ZFPM2: variants seen among roughly 807,000 people sequenced by gnomAD.
ZFPM2 encodes the protein zinc finger protein, FOG family member 2.
A neutral mutation model predicts 98.6 loss-of-function variants in ZFPM2; 20 were observed. That is an observed-to-expected ratio of 0.20 (90% CI 0.14 to 0.29). ZFPM2 has a LOEUF of 0.29. ZFPM2 is among the 10% of genes least tolerant of loss of function. The pLI, the probability that ZFPM2 is intolerant of heterozygous loss-of-function variation, is 1.00. For missense variants in ZFPM2, 1,310 were observed against 1,388.6 expected, an observed-to-expected ratio of 0.94 and a Z score of 0.90; for synonymous variants, 518 against 502.7, an observed-to-expected ratio of 1.03 and a Z score of -0.41.
intron 3 of ZFPM2, among the ~76,000 whole-genome samples, chr8:105,555,968 G>A (rs185525646): frequency 1.3e-5 from 2 of 152,312 alleles, no homozygotes; most frequent in African/African-American, 4.8e-5. Context: ...TGGGAGAGCA[G>A]TAGAACGCAA....
At chr8:105,342,846 T>G (rs1433614956) in intron 1 of ZFPM2, among the ~76,000 whole-genome samples, 1 of 152,036 alleles carries the variant, frequency 6.6e-6, no homozygotes, top group African/African-American at 2.4e-5. Flanking sequence ...TATGACATAA[T>G]AGATCTCTAG....
intron 3 of ZFPM2, chr8:105,451,499 T>C (rs926667089): frequency 2.0e-5 from 3 of 152,190 alleles, no homozygotes; most frequent in Non-Finnish European, 4.4e-5. Flanking sequence ...TTGGTTAAGA[T>C]GAGGTCATGG....
chr8:105,765,407 C>T (rs1812834592), intron 5 of ZFPM2, among the ~76,000 whole-genome samples: 1 of 151,812 alleles, frequency 6.6e-6, no homozygotes, highest in Non-Finnish European at 1.5e-5. Context: ...TATGCCAGTA[C>T]AATTTACATT....
rs116746022 is a variant in ZFPM2, at chr8:105,567,687, T to G, written c.420+6206T>G. Among the ~76,000 whole-genome samples the G allele has an allele frequency of 3.3e-3, 496 of 152,226 alleles. 4 individuals carry two copies. Among genetic ancestry groups the G allele is most frequent in the African/African-American group, 0.011 (467 of 41,500 alleles). ...TTAAAAGCAATATCCAAATTATTAT[T>G]GAGATTCTAGAGGACATAGAATTAT... On this transcript the variant is annotated intron_variant, in intron 4 of 7. Coordinates refer to ENST00000407775, the MANE Select transcript of ZFPM2 (RefSeq NM_012082.4).
rs61632447 is a variant in ZFPM2 at position 105,775,604 on chromosome 8, CAG to C, written c.533-13111_533-13110del. ...GTTGATAAATGCTTTTGTTTACAAG[CAG>C]AGTCTTAAGCAGCTTTGTAATCAGT... On this transcript the variant is annotated intron_variant, in intron 5 of 7. Coordinates refer to ENST00000407775, the MANE Select transcript of ZFPM2 (RefSeq NM_012082.4). Among the ~76,000 whole-genome samples the C allele has an allele frequency of 1.8e-4, 27 of 152,240 alleles. 1 individual carries two copies. The East Asian group carries it at 5.2e-3, about 29-fold the overall frequency.
At chr8:105,505,504 G>A (rs1647253870) in intron 3 of ZFPM2, among the ~76,000 whole-genome samples, 1 of 151,834 alleles carries the variant, frequency 6.6e-6, no homozygotes, top group Admixed American at 6.6e-5. Context: ...ACTTACATGG[G>A]AAAATAGCTC....
intron 2 of ZFPM2, among the ~76,000 whole-genome samples, chr8:105,440,686 G>T (rs1404262566): frequency 1.3e-5 from 2 of 152,192 alleles, no homozygotes; most frequent in Admixed American, 1.3e-4. Flanking sequence ...GAGAGAAGAT[G>T]CAGGAGCAGG....
Position 105,707,025 on chromosome 8 carries a change from G to A in ZFPM2, c.532+72668G>A, listed in dbSNP as rs181189195. Among the ~76,000 whole-genome samples the A allele has an allele frequency of 4.1e-3, 630 of 152,226 alleles. 3 individuals carry two copies. Among genetic ancestry groups the A allele is most frequent in the South Asian group, 0.028 (136 of 4,832 alleles). ...GAAGGCCAAGGTGGGAGGATTGCTT[G>A]AGCTTGGGAGTTTGAGAACAGCCTG... On this transcript the variant is annotated intron_variant, in intron 5 of 7. Coordinates refer to ENST00000407775, the MANE Select transcript of ZFPM2 (RefSeq NM_012082.4).
At chr8:105,486,204 A>G (rs1006840913) in intron 3 of ZFPM2, among the ~76,000 whole-genome samples, 2 of 152,144 alleles carry the variant, frequency 1.3e-5, no homozygotes, top group African/African-American at 4.8e-5. Context: ...GTTACTCAGT[A>G]AGCATCTTAT....
chr8:105,429,653 A>G (rs1811981466), intron 2 of ZFPM2, among the ~76,000 whole-genome samples: 1 of 151,690 alleles, frequency 6.6e-6, no homozygotes, highest in Admixed American at 6.6e-5. Context: ...CCAAAATACA[A>G]TAACTTTTAA....
At chr8:105,413,519 C>T (rs1563647492) in intron 1 of ZFPM2, among the ~76,000 whole-genome samples, 3 of 148,418 alleles carry the variant, frequency 2.0e-5, no homozygotes, top group South Asian at 2.1e-4. Context: ...CACACACACA[C>T]GCACATATAT....
At chr8:105,406,306 T>C (rs1385760167) in intron 1 of ZFPM2, among the ~76,000 whole-genome samples, 1 of 152,138 alleles carries the variant, frequency 6.6e-6, no homozygotes, top group Admixed American at 6.6e-5. Context: ...CAATTTTGGC[T>C]TTTGTTGCCA....
At chr8:105,794,898 T>G (rs1813742868) in intron 6 of ZFPM2, among the ~76,000 whole-genome samples, 1 of 152,222 alleles carries the variant, frequency 6.6e-6, no homozygotes. Flanking sequence ...GTGCAGGATA[T>G]AATCTCCTGG....
chr8:105,655,975 C>G (rs1431438478), intron 5 of ZFPM2, among the ~76,000 whole-genome samples: 1 of 151,532 alleles, frequency 6.6e-6, no homozygotes, highest in Non-Finnish European at 1.5e-5. Flanking sequence ...TTAATTTATT[C>G]CTTCACTTAC....
chr8:105,529,151 T>C (rs1020259213), intron 3 of ZFPM2, among the ~76,000 whole-genome samples: 2 of 152,152 alleles, frequency 1.3e-5, no homozygotes, highest in African/African-American at 4.8e-5. Flanking sequence ...GGCCATGTTC[T>C]TCTGATGTCT....
chr8:105,340,551 T>G (rs1157627966), intron 1 of ZFPM2, among the ~76,000 whole-genome samples: 1 of 152,132 alleles, frequency 6.6e-6, no homozygotes, highest in Admixed American at 6.6e-5. Flanking sequence ...TAGCTTACTT[T>G]AAAAGCAATA....
chr8:105,550,917 A>T (rs543734281), intron 3 of ZFPM2, among the ~76,000 whole-genome samples: 38 of 152,334 alleles, frequency 2.5e-4, no homozygotes, highest in African/African-American at 8.9e-4. Flanking sequence ...CTCATCAGTT[A>T]TGTGTAACTT....
intron 1 of ZFPM2, among the ~76,000 whole-genome samples, chr8:105,417,589 AGG>A (rs879809763): frequency 6.6e-6 from 1 of 152,152 alleles, no homozygotes; most frequent in African/African-American, 2.4e-5. Context: ...AAATGGTTTA[AGG>A]ATTGTAATAT....
chr8:105,723,707 T>C (rs1446700400), intron 5 of ZFPM2, among the ~76,000 whole-genome samples: 1 of 151,796 alleles, frequency 6.6e-6, no homozygotes, highest in Non-Finnish European at 1.5e-5. Flanking sequence ...TTAGCAGCTT[T>C]ATAGATAAGG....
Sources: allele counts gnomAD v4.1 joint callset (sites outside exome capture counted in the v4.1 genomes callset), GRCh38; gene constraint gnomAD v4.1.1; transcripts MANE v1.5; gene names NCBI Gene and HGNC (gene_info 2026-07-23, HGNC 2026-07-21).